RUNX2: variants seen among roughly 807,000 people sequenced by gnomAD.
RUNX2 encodes the protein runt-related transcription factor 2.
A neutral mutation model predicts 51.7 loss-of-function variants in RUNX2; 10 were observed. The observed-to-expected ratio is 0.19, with a 90% CI of 0.12 to 0.33. The LOEUF is 0.33. RUNX2 is among the 10% of genes least tolerant of loss of function. The probability of loss-of-function intolerance (pLI) is 1.00; values close to 1 mark genes in which losing one functional copy is unlikely to be tolerated. For missense variants in RUNX2, 562 were observed against 691.3 expected (o/e 0.81, Z 2.10); for synonymous variants, 276 against 273.6 (o/e 1.01, Z -0.09).
chr6:45,398,618 A>T (rs1471597681), intron 2 of RUNX2, among the ~76,000 whole-genome samples: 1 of 152,202 alleles, frequency 6.6e-6, no homozygotes, highest in African/African-American at 2.4e-5. Context: ...ACTTATGTAG[A>T]ACATTTTTTT....
At chr6:45,471,514 G>A (rs577320078) in intron 5 of RUNX2, among the ~76,000 whole-genome samples, 18 of 149,622 alleles carry the variant, frequency 1.2e-4, no homozygotes, top group African/African-American at 3.9e-4. Context: ...GCGCGATCTC[G>A]GCTCACTGCA....
Position 45,549,477 on chromosome 6 carries a change from A to T in RUNX2, c.*2172A>T, listed in dbSNP as rs1200760960. The T allele has an allele frequency of 2.5e-6, 1 of 397,820 alleles. No homozygotes were observed. The highest frequency in any genetic ancestry group is 2.1e-5 in the African/African-American group (1 of 48,654). 24.6% of individuals were successfully genotyped at this position (397,820 alleles called of 1,614,324 possible). A position where few individuals can be genotyped will look rare whatever the true frequency, so the allele number is the denominator to read the frequency against. ...GCCTTCTAAAGGCCGTATACCAAGT[A>T]TGCTTAGATAAATAAGCCACTTTTC... On this transcript the variant is annotated 3_prime_UTR_variant, in exon 9 of 9. Coordinates refer to ENST00000647337, the MANE Select transcript of RUNX2 (RefSeq NM_001024630.4).
chr6:45,475,028 G>A (rs550488867), intron 5 of RUNX2, among the ~76,000 whole-genome samples: 14 of 151,888 alleles, frequency 9.2e-5, no homozygotes, highest in African/African-American at 3.4e-4. Context: ...GGAGGCTGAG[G>A]CAGGAGAGTC....
At chr6:45,457,321 A>G (rs1264158046) in intron 5 of RUNX2, among the ~76,000 whole-genome samples, 2 of 152,182 alleles carry the variant, frequency 1.3e-5, no homozygotes, top group South Asian at 2.1e-4. Context: ...TCCCAACAGA[A>G]GAAGGCTGCA....
Position 45,357,156 on chromosome 6 carries a change from G to A in RUNX2, c.58+28372G>A, listed in dbSNP as rs12213644. Among the ~76,000 whole-genome samples, 8 of 151,692 alleles carry A rather than the reference G, an allele frequency of 5.3e-5. 1 individual carries two copies. The highest frequency in any genetic ancestry group is 5.9e-5 in the Non-Finnish European group (4 of 67,908). The stretch of plus-strand genomic sequence containing the variant: ...AGAGTAGCTGGGACTACAGGCACCC[G>A]CCACCAAGCCTGGCTAATTTTTTTG... On this transcript the variant is annotated intron_variant, in intron 2 of 8. Transcript: ENST00000647337.
At chr6:45,406,667 A>G (rs939582803) in intron 2 of RUNX2, among the ~76,000 whole-genome samples, 2 of 152,188 alleles carry the variant, frequency 1.3e-5, no homozygotes, top group East Asian at 3.9e-4. Flanking sequence ...TGGCCCCCCA[A>G]AGTGCTGGGG....
At chr6:45,405,881 T>C (rs952720325) in intron 2 of RUNX2, among the ~76,000 whole-genome samples, 3 of 152,136 alleles carry the variant, frequency 2.0e-5, no homozygotes, top group Admixed American at 1.3e-4. Flanking sequence ...AGCATTACGA[T>C]TTACTACTTG....
intron 7 of RUNX2, among the ~76,000 whole-genome samples, chr6:45,539,361 C>A (rs932023453): frequency 1.3e-5 from 2 of 152,118 alleles, no homozygotes; most frequent in African/African-American, 2.4e-5. Flanking sequence ...ACTGGATAGT[C>A]GAGGGACTTT....
chr6:45,493,205 A>G (rs1205417211), intron 6 of RUNX2, among the ~76,000 whole-genome samples: 1 of 152,200 alleles, frequency 6.6e-6, no homozygotes, highest in African/African-American at 2.4e-5. Flanking sequence ...ATGAGTTTGC[A>G]TGAGTGTATA....
chr6:45,550,566 A>G lies in RUNX2; in HGVS notation c.*3261A>G, dbSNP rs898726799. On this transcript the variant is annotated 3_prime_UTR_variant, in exon 9 of 9. Coordinates refer to ENST00000647337, the MANE Select transcript of RUNX2 (RefSeq NM_001024630.4). ...TGGTATTTGAAAGAACAATAATAAA[A>G]GACACTTCTTCCAAACCTTGAATTT... 1.6e-4 allele frequency: 25 copies of G among 152,786 alleles called. No individual in the cohort carries two copies. Among genetic ancestry groups the G allele is most frequent in the African/African-American group, 5.0e-4 (21 of 41,590 alleles). The allele number at this position is 152,786 out of a possible 1,614,324, so 9.5% of individuals were successfully genotyped here. A position where few individuals can be genotyped will look rare whatever the true frequency, so the allele number is the denominator to read the frequency against.
chr6:45,335,832 T>G (rs1788436409), intron 2 of RUNX2, among the ~76,000 whole-genome samples: 1 of 151,340 alleles, frequency 6.6e-6, no homozygotes, highest in African/African-American at 2.4e-5. Flanking sequence ...ATTAATTTTT[T>G]TACCTCTCAT....
intron 5 of RUNX2, among the ~76,000 whole-genome samples, chr6:45,482,117 G>C (rs779913153): frequency 2.0e-5 from 3 of 152,178 alleles, no homozygotes; most frequent in East Asian, 1.9e-4. Flanking sequence ...CCGGATTCCC[G>C]GTTAGCTCTT....
At chr6:45,462,961 C>T (rs1582137658) in intron 5 of RUNX2, among the ~76,000 whole-genome samples, 1 of 152,180 alleles carries the variant, frequency 6.6e-6, no homozygotes, top group South Asian at 2.1e-4. Flanking sequence ...GCTGGCTGGG[C>T]AGAACCTGAG....
chr6:45,546,871 A>G lies in RUNX2; in HGVS notation c.1132A>G (p.Ser378Gly), dbSNP rs752525068. The change falls in exon 9 of 9, where the codon AGC (serine) becomes GGC (glycine). Residue 378 changes from serine to glycine, a missense_variant. By Grantham distance (56) the Ser-to-Gly change is moderately conservative (BLOSUM62 0). Transcript: ENST00000647337. ...TTTTTCAGACCCCAGGCAGTTCCCA[A>G]GCATTTCATCCCTCACTGAGAGCCG... is the stretch of plus-strand genomic sequence containing the variant. ...GPFSDPRQFP[S>G]ISSLTESRFS... The G allele has an allele frequency of 3.1e-6, 5 of 1,614,042 alleles. No homozygotes were observed. The highest frequency in any genetic ancestry group is 4.2e-6 in the Non-Finnish European group (5 of 1,180,012).
At chr6:45,402,023 T>C (rs561603124) in intron 2 of RUNX2, among the ~76,000 whole-genome samples, 1 of 152,386 alleles carries the variant, frequency 6.6e-6, no homozygotes, top group African/African-American at 2.4e-5. Context: ...CATCGTATTA[T>C]ACTGTGAGTA....
chr6:45,522,725 C>G (rs73448178), intron 7 of RUNX2, among the ~76,000 whole-genome samples: 1 of 152,256 alleles, frequency 6.6e-6, no homozygotes, highest in South Asian at 2.1e-4. Flanking sequence ...ATCTCTAACT[C>G]CTACTCCGAT....
intron 2 of RUNX2, among the ~76,000 whole-genome samples, chr6:45,391,036 T>A (rs1797458299): frequency 6.6e-6 from 1 of 152,216 alleles, no homozygotes; most frequent in Non-Finnish European, 1.5e-5. Context: ...GGAAGAAAGA[T>A]GTGATCCCTG....
chr6:45,466,839 C>T (rs1582141713), intron 5 of RUNX2, among the ~76,000 whole-genome samples: 1 of 152,198 alleles, frequency 6.6e-6, no homozygotes, highest in Non-Finnish European at 1.5e-5. Flanking sequence ...TGATTCAGTT[C>T]ATTTATTCGA....
At chr6:45,390,041 G>A (rs578164668) in intron 2 of RUNX2, among the ~76,000 whole-genome samples, 39 of 152,030 alleles carry the variant, frequency 2.6e-4, no homozygotes, top group African/African-American at 9.2e-4. Flanking sequence ...TTCCAATTCT[G>A]TGGAGGTAAA....
Sources: gnomAD v4.1 joint callset for allele counts (sites outside exome capture counted in the v4.1 genomes callset) on GRCh38, gnomAD v4.1.1 for gene constraint, MANE v1.5 for transcripts, NCBI Gene and HGNC (gene_info 2026-07-23, HGNC 2026-07-21) for gene names.